PDE1A: variants seen among roughly 807,000 people sequenced by gnomAD.
PDE1A encodes the protein phosphodiesterase 1A, also known as dual specificity calcium/calmodulin-dependent 3',5'-cyclic nucleotide phosphodiesterase 1A.
PDE1A carries 35 observed loss-of-function variants against 61.7 expected under a neutral mutation model. The observed-to-expected ratio is 0.57, with a 90% confidence interval of 0.43 to 0.75. The LOEUF (loss-of-function observed/expected upper bound fraction) is 0.75. Among genes scored for constraint, PDE1A ranks in the 30% least tolerant of loss-of-function variants. The pLI is 0.00. For missense variants in PDE1A, 597 were observed against 630.6 expected, an observed-to-expected ratio of 0.95 and a Z score of 0.57; for synonymous variants, 232 against 213.2, an observed-to-expected ratio of 1.09 and a Z score of -0.77.
intron 7 of PDE1A, among the ~76,000 whole-genome samples, chr2:182,208,153 G>C (rs1687269991): frequency 6.6e-6 from 1 of 152,150 alleles, no homozygotes; most frequent in South Asian, 2.1e-4. Flanking sequence ...TGCCTAGTGG[G>C]GCTGTGAGAA....
chr2:182,475,938 G>T (rs759731889), intron 2 of PDE1A, among the ~76,000 whole-genome samples: 1 of 151,758 alleles, frequency 6.6e-6, no homozygotes, highest in Non-Finnish European at 1.5e-5. Flanking sequence ...GTTTTGAGGA[G>T]GTAGGATGTT....
the PDE1A span, among the ~76,000 whole-genome samples, chr2:182,645,024 T>C: frequency 4.3e-4 from 65 of 149,668 alleles, no homozygotes; most frequent in African/African-American, 8.6e-4. Context: ...CTCGCTCTGT[T>C]GCCCAGGCTG....
At chr2:182,193,601 C>T (rs76981807) in intron 10 of PDE1A, among the ~76,000 whole-genome samples, 4,755 of 152,114 alleles carry the variant, frequency 0.031, 253 homozygotes, top group African/African-American at 0.11. Context: ...TCTAATGACC[C>T]TTCTTTACTT....
the PDE1A span, among the ~76,000 whole-genome samples, chr2:182,588,438 G>GA: frequency 6.6e-6 from 1 of 152,112 alleles, no homozygotes; most frequent in Non-Finnish European, 1.5e-5. Context: ...TGAATATTTA[G>GA]AAAGACTCTA....
At chr2:182,348,845 C>G (rs933873832) in intron 1 of PDE1A, among the ~76,000 whole-genome samples, 1 of 151,560 alleles carries the variant, frequency 6.6e-6, no homozygotes, top group Admixed American at 6.6e-5. Context: ...TCTGTACTTT[C>G]CTCTACTAAA....
At position 182,291,351 on chromosome 2, in the gene PDE1A, C is replaced by G. The variant is rs545880852; in HGVS notation, c.54-26937G>C. ...CAAACTGCTAGTCAGTCTTCAAGAACTAGATCAAATGTTTACTTCTTTGTG... is the reference window on the plus strand; with the variant it reads ...CAAACTGCTAGTCAGTCTTCAAGAAGTAGATCAAATGTTTACTTCTTTGTG... On this transcript the variant is annotated intron_variant, in intron 1 of 13. Transcript: ENST00000351439. Among the ~76,000 whole-genome samples, 38 of 152,306 alleles carry G rather than the reference C, an allele frequency of 2.5e-4. No individual in the cohort carries two copies. In the South Asian group the frequency reaches 7.7e-3, roughly 31 times the overall value.
chr2:182,362,845 G>A (rs144844441), intron 1 of PDE1A, among the ~76,000 whole-genome samples: 397 of 152,136 alleles, frequency 2.6e-3, no homozygotes, highest in African/African-American at 9.1e-3. Flanking sequence ...ACTGGATAAA[G>A]AAAATGTGAT....
chr2:182,316,337 A>G (rs905587030), intron 1 of PDE1A, among the ~76,000 whole-genome samples: 1 of 152,136 alleles, frequency 6.6e-6, no homozygotes, highest in African/African-American at 2.4e-5. Context: ...TCTTTTACAT[A>G]TTTTTCTCAT....
At chr2:182,619,403 C>T in the PDE1A span, among the ~76,000 whole-genome samples, 1 of 152,066 alleles carries the variant, frequency 6.6e-6, no homozygotes. Context: ...GTGACCCATA[C>T]AAGCAGAGGG....
At chr2:182,184,077 G>A (rs187965727) in intron 13 of PDE1A, among the ~76,000 whole-genome samples, 145 of 151,980 alleles carry the variant, frequency 9.5e-4, no homozygotes, top group African/African-American at 3.4e-3. Flanking sequence ...AATTGACAGA[G>A]ATCCAGAGCA....
chr2:182,459,289 C>T (rs1470836450), intron 2 of PDE1A, among the ~76,000 whole-genome samples: 1 of 152,084 alleles, frequency 6.6e-6, no homozygotes, highest in Middle Eastern at 3.4e-3. Context: ...TTCAGAGAAC[C>T]TATAAAATCT....
chr2:182,387,957 AAC>A (rs1701213096), intron 1 of PDE1A, among the ~76,000 whole-genome samples: 1 of 152,180 alleles, frequency 6.6e-6, no homozygotes, highest in Non-Finnish European at 1.5e-5. Flanking sequence ...ACTGTAAGGA[AAC>A]ACATAGACTC....
intron 2 of PDE1A, among the ~76,000 whole-genome samples, chr2:182,482,147 T>G (rs1687739912): frequency 6.6e-6 from 1 of 151,850 alleles, no homozygotes; most frequent in Admixed American, 6.6e-5. Context: ...CTGACAAAAT[T>G]GATTAAGCGC....
the PDE1A span, among the ~76,000 whole-genome samples, chr2:182,627,868 C>T: frequency 6.7e-6 from 1 of 149,592 alleles, no homozygotes; most frequent in Non-Finnish European, 1.5e-5. Flanking sequence ...CACTTGAACC[C>T]GGGAGGTGGA....
At chr2:182,558,109 A>G in the PDE1A span, among the ~76,000 whole-genome samples, 2 of 152,134 alleles carry the variant, frequency 1.3e-5, no homozygotes, top group African/African-American at 2.4e-5. Flanking sequence ...TCATTGATGT[A>G]TATCATTTTG....
chr2:182,307,233 T>C (rs1167230964), intron 1 of PDE1A, among the ~76,000 whole-genome samples: 1 of 152,190 alleles, frequency 6.6e-6, no homozygotes, highest in Non-Finnish European at 1.5e-5. Flanking sequence ...AATGTCTGTC[T>C]CCTCCCAAAG....
At chr2:182,491,731 C>T (rs1290550674) in intron 2 of PDE1A, among the ~76,000 whole-genome samples, 2 of 151,578 alleles carry the variant, frequency 1.3e-5, no homozygotes, top group Non-Finnish European at 2.9e-5. Context: ...TTCCCAAACA[C>T]TTTACATTTT....
intron 6 of PDE1A, among the ~76,000 whole-genome samples, chr2:182,229,456 C>T (rs1328323291): frequency 6.6e-6 from 1 of 152,120 alleles, no homozygotes; most frequent in East Asian, 1.9e-4. Flanking sequence ...CTGTCATACA[C>T]TCACTGTTAT....
At chr2:182,333,237 A>G (rs1452510064) in intron 1 of PDE1A, among the ~76,000 whole-genome samples, 1 of 152,186 alleles carries the variant, frequency 6.6e-6, no homozygotes, top group Non-Finnish European at 1.5e-5. Context: ...GACTTAATAG[A>G]CATCTACAGA....
Sources: gnomAD v4.1 joint callset for allele counts (sites outside exome capture counted in the v4.1 genomes callset) on GRCh38, gnomAD v4.1.1 for gene constraint, MANE v1.5 for transcripts, NCBI Gene and HGNC (gene_info 2026-07-23, HGNC 2026-07-21) for gene names.